The following DNAH11 variants were observed in gnomAD, a reference collection of about 807,000 sequenced individuals.
DNAH11 encodes dynein axonemal heavy chain 11.
In DNAH11, 442 loss-of-function variants were observed where a neutral mutation model predicts 526.0. The observed-to-expected ratio is 0.84, with a 90% CI of 0.78 to 0.91. The LOEUF (loss-of-function observed/expected upper bound fraction) is 0.91. Ranked by LOEUF, DNAH11 falls within the 40% of genes least tolerant of loss-of-function variation. DNAH11 has a pLI of 0.00. For synonymous variants in DNAH11, 2,461 were observed against 1,935.9 expected (o/e 1.27, Z -7.12); for missense variants, 6,989 against 5,448.7 (o/e 1.28, Z -8.90).
chr7:21,616,200 C>A lies in DNAH11; in HGVS notation c.4012-9C>A, dbSNP rs1039778615. 6.2e-7 allele frequency: 1 copy of A among 1,611,384 alleles called. No individual in the cohort carries two copies. The highest frequency in any genetic ancestry group is 2.2e-5 in the East Asian group (1 of 44,806). On this transcript the variant is annotated splice_polypyrimidine_tract_variant and intron_variant, in intron 21 of 81. Transcript: ENST00000409508. Reference sequence around the variant, plus strand: ...TTGTTGACACTTTTATCTGCTTTTGCGTTTTCAGAGAAGCATTGATAATTG... The same window carrying A: ...TTGTTGACACTTTTATCTGCTTTTGAGTTTTCAGAGAAGCATTGATAATTG...
chr7:21,582,135 T>A, intron 9 of DNAH11, 114 bp downstream of exon 9: 1 of 648,890 alleles, frequency 1.5e-6, no homozygotes, highest in Non-Finnish European at 2.7e-6. Context: ...ACTAGTCATA[T>A]TCCCTTCAAA....
At chr7:21,554,010 A>T (rs142038415) in intron 2 of DNAH11, among the ~76,000 whole-genome samples, 69 of 151,972 alleles carry the variant, frequency 4.5e-4, no homozygotes, top group African/African-American at 1.5e-3. Flanking sequence ...TATTTTCTTA[A>T]CTAGTCTCTG....
Position 21,616,236 on chromosome 7 carries a change from C to G in DNAH11, c.4039C>G (p.Gln1347Glu). 3 of 1,613,492 alleles carry G rather than the reference C, an allele frequency of 1.9e-6. No individual in the cohort carries two copies. The South Asian group carries it at 3.3e-5, about 18-fold the overall frequency. ...AAGCATTGATAATTGGACTAAAACC[C>G]AGTGGAGACAGATTCATGTGGAACA... ...RRSIDNWTKTQWRQIHVEQMD... is the reference protein window; with the variant it reads ...RRSIDNWTKTEWRQIHVEQMD... The change falls in exon 22 of 82, where the codon CAG becomes GAG. Residue 1347 changes from glutamine (Q) to glutamate (E), a missense_variant. By Grantham distance (29) the Gln-to-Glu change is conservative (BLOSUM62 2). Coordinates refer to ENST00000409508, the MANE Select transcript of DNAH11 (RefSeq NM_001277115.2).
At chr7:21,850,970 A>G (rs925823774) in intron 66 of DNAH11, among the ~76,000 whole-genome samples, 110 of 152,272 alleles carry the variant, frequency 7.2e-4, no homozygotes, top group African/African-American at 2.5e-3. Flanking sequence ...TTATAATTAC[A>G]TCTCAGGGTT....
chr7:21,800,449 T>A (rs552687597), intron 61 of DNAH11, among the ~76,000 whole-genome samples: 6 of 152,188 alleles, frequency 3.9e-5, no homozygotes, highest in African/African-American at 1.2e-4. Context: ...CCGGCCAACA[T>A]GGCGAAACCT....
chr7:21,758,191 T>G (rs1786720634), intron 54 of DNAH11, among the ~76,000 whole-genome samples: 1 of 152,208 alleles, frequency 6.6e-6, no homozygotes, highest in Admixed American at 6.5e-5. Context: ...CAGGACCACA[T>G]CGCTCTGGAT....
At chr7:21,752,009 C>T (rs1786435000) in intron 54 of DNAH11, among the ~76,000 whole-genome samples, 1 of 152,230 alleles carries the variant, frequency 6.6e-6, no homozygotes, top group African/African-American at 2.4e-5. Flanking sequence ...GAATCAACAT[C>T]AACAAGCAAC....
At chr7:21,595,156 C>T (rs1403193106) in intron 14 of DNAH11, among the ~76,000 whole-genome samples, 1 of 152,214 alleles carries the variant, frequency 6.6e-6, no homozygotes, top group African/African-American at 2.4e-5. Context: ...CAGTTTCTGG[C>T]AAGGCCCCTC....
At chr7:21,719,552 TAAA>T (rs1415078975) in intron 43 of DNAH11, among the ~76,000 whole-genome samples, 3 of 152,208 alleles carry the variant, frequency 2.0e-5, no homozygotes, top group Non-Finnish European at 4.4e-5. Flanking sequence ...TGGCTTCTAC[TAAA>T]AAATAACAAA....
chr7:21,809,137 G>A (rs1359985237), intron 63 of DNAH11, among the ~76,000 whole-genome samples: 1 of 152,128 alleles, frequency 6.6e-6, no homozygotes, highest in East Asian at 1.9e-4. Context: ...ACTCGGTGAT[G>A]TTGAGCATTT....
intron 18 of DNAH11, 95 bp downstream of exon 18, chr7:21,601,713 C>G: frequency 1.1e-6 from 1 of 911,938 alleles, no homozygotes; most frequent in Non-Finnish European, 1.6e-6. Context: ...GTCCTTATAA[C>G]AATCTATACT....
chr7:21,782,406 C>T (rs376505893), intron 57 of DNAH11, among the ~76,000 whole-genome samples: 1 of 152,200 alleles, frequency 6.6e-6, no homozygotes, highest in African/African-American at 2.4e-5. Context: ...CTGAGATATA[C>T]AGAATTTTCA....
Position 21,738,485 on chromosome 7 carries a change from G to A in DNAH11, c.7646-216G>A, listed in dbSNP as rs150017441. ...CTGCAGTCTCCATAAAAGGTGAGGTGGAATGACTTCTGGCAACAGGAGGGA... is the reference window on the plus strand; with the variant it reads ...CTGCAGTCTCCATAAAAGGTGAGGTAGAATGACTTCTGGCAACAGGAGGGA... On this transcript the variant is annotated intron_variant, in intron 46 of 81. Coordinates refer to ENST00000409508, the MANE Select transcript of DNAH11 (RefSeq NM_001277115.2). 1.9e-3 allele frequency among the ~76,000 whole-genome samples: 284 copies of A among 152,234 alleles called. 3 individuals carry two copies. Among genetic ancestry groups the A allele is most frequent in the Admixed American group, 3.9e-3 (60 of 15,276 alleles).
chr7:21,590,998 C>T lies in DNAH11; in HGVS notation c.2250C>T (p.Phe750=), dbSNP rs759929907. The T allele has an allele frequency of 1.3e-6, 2 of 1,512,508 alleles. No homozygotes were observed. The highest frequency in any genetic ancestry group is 1.8e-6 in the Non-Finnish European group (2 of 1,140,704). The allele number at this position is 1,512,508 out of a possible 1,614,324, so 93.7% of individuals were successfully genotyped here. Residue 750 remains phenylalanine, a synonymous_variant, in exon 13 of 82, where the codon TTC becomes TTT. Transcript: ENST00000409508. ...QDIPDSALAI[F]KKRNTILKYI... is the part of the protein sequence containing the mutation. ...TACCAGATTCAGCTTTAGCCATCTT[C>T]AAGAAAAGGAACACTATTTTAAAGG...
rs960341299 is a variant in DNAH11 at position 21,784,496 on chromosome 7, C to A, written c.9553C>A (p.Pro3185Thr). 7 of 1,613,328 alleles carry A rather than the reference C, an allele frequency of 4.3e-6. No individual in the cohort carries two copies. Among genetic ancestry groups the A allele is most frequent in the East Asian group, 2.2e-5 (1 of 44,840 alleles). The change falls in exon 58 of 82, where the codon CCT becomes ACT. Residue 3185 changes from proline to threonine, a missense_variant. Physicochemically the swap from Pro to Thr is conservative, Grantham distance 38. Coordinates refer to ENST00000409508, the MANE Select transcript of DNAH11 (RefSeq NM_001277115.2). ...TGAAGCTGACTTACTCAAGGCTGAGCCTGCACTGGTGGCTGCTACAGCTGC... is the reference window on the plus strand; with the variant it reads ...TGAAGCTGACTTACTCAAGGCTGAGACTGCACTGGTGGCTGCTACAGCTGC... ...ECEADLLKAEPALVAATAALN... is the reference protein window; with the variant it reads ...ECEADLLKAETALVAATAALN...
At chr7:21,768,580 T>C (rs17145331) in intron 55 of DNAH11, among the ~76,000 whole-genome samples, 33,702 of 152,112 alleles carry the variant, frequency 0.22, 4,541 homozygotes, top group East Asian at 0.57. Context: ...TCTGTCCTTA[T>C]GTGGTGCCAC....
At chr7:21,837,508 G>A (rs746650790) in intron 65 of DNAH11, among the ~76,000 whole-genome samples, 1 of 152,086 alleles carries the variant, frequency 6.6e-6, no homozygotes, top group Non-Finnish European at 1.5e-5. Flanking sequence ...TCTCATTCGT[G>A]TTATCTAAAA....
In DNAH11 at chr7:21,880,891, A is replaced by G. The variant is rs1433692210; in HGVS notation, c.12385A>G (p.Lys4129Glu). ...VLYNYLEANS[K>E]VPWEDLRYLF... ...CTACAACTACTTAGAGGCAAACTCTAAAGTAAGTGCTAGTGGTCAAATAAC... is the reference window on the plus strand; with the variant it reads ...CTACAACTACTTAGAGGCAAACTCTGAAGTAAGTGCTAGTGGTCAAATAAC... The change falls in exon 75 of 82, where the codon AAA becomes GAA. Residue 4129 changes from lysine to glutamate, a missense_variant and splice_region_variant. Lys to Glu is a moderately conservative substitution (Grantham distance 56, BLOSUM62 1). Transcript: ENST00000409508. 4 of 1,599,670 alleles carry G rather than the reference A, an allele frequency of 2.5e-6. No homozygotes were observed. The highest frequency in any genetic ancestry group is 1.1e-5 in the South Asian group (1 of 87,334).
intron 66 of DNAH11, among the ~76,000 whole-genome samples, chr7:21,849,713 T>C (rs1782550147): frequency 6.6e-6 from 1 of 152,198 alleles, no homozygotes; most frequent in Admixed American, 6.5e-5. Flanking sequence ...GGTAAGGTAA[T>C]TTATTTCCTG....
Sources: allele counts gnomAD v4.1 joint callset (sites outside exome capture counted in the v4.1 genomes callset), GRCh38; gene constraint gnomAD v4.1.1; transcripts MANE v1.5; gene names NCBI Gene and HGNC (gene_info 2026-07-23, HGNC 2026-07-21).